The following SCOC variants were observed in gnomAD, a reference collection of about 807,000 sequenced individuals.
SCOC encodes short coiled-coil protein.
A neutral mutation model predicts 9.9 loss-of-function variants in SCOC; 7 were observed. That is an observed-to-expected ratio of 0.71 (90% CI 0.40 to 1.33). SCOC has a LOEUF of 1.33. Ranked by LOEUF, SCOC falls within the 40% of genes most tolerant of loss-of-function variation. The pLI is 0.01. For synonymous variants in SCOC, 19 were observed against 28.2 expected (o/e 0.67, Z 1.03); for missense variants, 66 against 89.7 (o/e 0.74, Z 1.07).
chr4:140,330,411 A>G (rs191037587), intron 1 of SCOC, among the ~76,000 whole-genome samples: 1 of 152,272 alleles, frequency 6.6e-6, no homozygotes, highest in Non-Finnish European at 1.5e-5. Flanking sequence ...TCCCCCAAAG[A>G]CCTACTGAAA....
intron 2 of SCOC, among the ~76,000 whole-genome samples, chr4:140,355,400 C>G (rs1365592742): frequency 6.6e-6 from 1 of 151,940 alleles, no homozygotes; most frequent in Non-Finnish European, 1.5e-5. Context: ...ACACAAATAT[C>G]ATGCTATTGA....
chr4:140,343,644 C>T lies in SCOC; in HGVS notation c.6C>T (p.Asp2=), dbSNP rs373613165. ...AGGTCTGAAAATTGAACAAGATGGA[C>T]GGGTCCAGGAAAGAGGAGGAGGAAG... Residue 2 remains aspartate, a synonymous_variant, in exon 2 of 5, where the codon GAC becomes GAT. Coordinates refer to the SCOC transcript ENST00000338517. 80 of 1,612,734 alleles carry T rather than the reference C, an allele frequency of 5.0e-5. No homozygotes were observed. The African/African-American group carries it at 8.4e-4, about 17-fold the overall frequency.
intron 1 of SCOC, among the ~76,000 whole-genome samples, chr4:140,262,097 C>G (rs1054079040): frequency 6.6e-6 from 1 of 152,186 alleles, no homozygotes; most frequent in Admixed American, 6.5e-5. Context: ...TCAGAAAATA[C>G]ATTTTCATTG....
At chr4:140,375,537 G>A (rs1347789213) in intron 1 of SCOC, among the ~76,000 whole-genome samples, 4 of 124,326 alleles carry the variant, frequency 3.2e-5, no homozygotes, top group Admixed American at 9.6e-5. Flanking sequence ...TGAGGAGAGT[G>A]ATATTGTGGA....
At chr4:140,280,165 G>A (rs141380332) in intron 1 of SCOC, among the ~76,000 whole-genome samples, 215 of 152,214 alleles carry the variant, frequency 1.4e-3, no homozygotes, top group African/African-American at 4.7e-3. Context: ...TGCTCAGGCT[G>A]GAGTGCAGTG....
At chr4:140,270,979 T>C (rs1244757142) in intron 1 of SCOC, among the ~76,000 whole-genome samples, 1 of 152,188 alleles carries the variant, frequency 6.6e-6, no homozygotes, top group African/African-American at 2.4e-5. Context: ...CAAACCATGC[T>C]CTTACCAATG....
chr4:140,373,618 T>G, upstream of SCOC: 2 of 1,551,708 alleles, frequency 1.3e-6, no homozygotes, highest in Non-Finnish European at 1.7e-6. Context: ...GCGCACGTTC[T>G]GTGGGCGGAG....
chr4:140,322,939 G>C (rs1395728677), intron 1 of SCOC, among the ~76,000 whole-genome samples: 1 of 152,024 alleles, frequency 6.6e-6, no homozygotes, highest in African/African-American at 2.4e-5. Context: ...GGCCCAGAGT[G>C]CTAGGCCTAG....
chr4:140,342,616 C>G (rs893339350), upstream of SCOC, among the ~76,000 whole-genome samples: 2 of 152,078 alleles, frequency 1.3e-5, no homozygotes, highest in Non-Finnish European at 2.9e-5. Context: ...TTATATGTAT[C>G]AAAGCACAGT....
chr4:140,312,018 G>C (rs1157503523), intron 1 of SCOC, among the ~76,000 whole-genome samples: 2 of 152,182 alleles, frequency 1.3e-5, no homozygotes, highest in Non-Finnish European at 2.9e-5. Flanking sequence ...CTTTTAGCGA[G>C]AAATAGTTAT....
chr4:140,287,960 CA>C (rs2126428593), intron 1 of SCOC, among the ~76,000 whole-genome samples: 1 of 152,122 alleles, frequency 6.6e-6, no homozygotes, highest in Non-Finnish European at 1.5e-5. Context: ...GCATACCACA[CA>C]GAGTGCACAC....
chr4:140,314,438 T>C (rs1466318187), intron 1 of SCOC: 2 of 152,534 alleles, frequency 1.3e-5, no homozygotes, highest in Admixed American at 6.5e-5. Context: ...CAGGCCCTTA[T>C]GGCCAATCGC....
upstream of SCOC, among the ~76,000 whole-genome samples, chr4:140,370,234 T>C (rs1460735565): frequency 1.3e-5 from 2 of 152,176 alleles, no homozygotes; most frequent in East Asian, 3.9e-4. Context: ...ATTTTTACTG[T>C]TTCAATTATT....
chr4:140,355,833 AATGT>A (rs1189998548), intron 2 of SCOC, among the ~76,000 whole-genome samples: 3 of 152,194 alleles, frequency 2.0e-5, no homozygotes, highest in Non-Finnish European at 2.9e-5. Flanking sequence ...AACTCGGAAA[AATGT>A]ATGTATTAGT....
chr4:140,360,454 T>C (rs1026948251), intron 2 of SCOC, among the ~76,000 whole-genome samples: 1 of 152,216 alleles, frequency 6.6e-6, no homozygotes, highest in African/African-American at 2.4e-5. Context: ...ATGTTCCCAG[T>C]GTACCTAACG....
At chr4:140,351,212 A>G (rs1001175553) in intron 2 of SCOC, among the ~76,000 whole-genome samples, 24 of 151,500 alleles carry the variant, frequency 1.6e-4, no homozygotes, top group African/African-American at 3.1e-4. Context: ...AAAGAAGAAG[A>G]AGGCTCTGAG....
upstream of SCOC, among the ~76,000 whole-genome samples, chr4:140,339,167 T>C (rs1327782961): frequency 6.6e-6 from 1 of 152,182 alleles, no homozygotes; most frequent in Non-Finnish European, 1.5e-5. Flanking sequence ...CTATCTGATC[T>C]TTGACAAACC....
chr4:140,384,620 C>T lies in SCOC; in HGVS notation c.*3516C>T, dbSNP rs1212147961. 1 of 152,166 alleles carries T rather than the reference C, an allele frequency of 6.6e-6. No individual in the cohort carries two copies. The highest frequency in any genetic ancestry group is 1.5e-5 in the Non-Finnish European group (1 of 68,062). 9.4% of individuals were successfully genotyped at this position (152,166 alleles called of 1,614,324 possible). A position where few individuals can be genotyped will look rare whatever the true frequency, so the allele number is the denominator to read the frequency against. ...TTGTATTTGCTGTGTTAGTTGAGCC[C>T]AGTTTCTTTCCCTTATTGGGTGATG... On this transcript the variant is annotated 3_prime_UTR_variant, in exon 4 of 4. Coordinates refer to ENST00000608372, the MANE Select transcript of SCOC (RefSeq NM_001153484.2).
intron 1 of SCOC, among the ~76,000 whole-genome samples, chr4:140,295,793 C>T (rs942216529): frequency 4.6e-5 from 7 of 151,846 alleles, no homozygotes; most frequent in African/African-American, 7.3e-5. Flanking sequence ...TAGCCGGGCG[C>T]GGTGGCGGGC....
Sources: allele counts gnomAD v4.1 joint callset (sites outside exome capture counted in the v4.1 genomes callset), GRCh38; gene constraint gnomAD v4.1.1; transcripts MANE v1.5; gene names NCBI Gene and HGNC (gene_info 2026-07-23, HGNC 2026-07-21).